SDK1: variants seen among roughly 807,000 people sequenced by gnomAD.
SDK1 encodes protein sidekick-1.
In SDK1, 157 loss-of-function variants were observed where a neutral mutation model predicts 245.5. The observed-to-expected ratio is 0.64, with a 90% CI of 0.56 to 0.73. SDK1 has a LOEUF of 0.73. Ranked by LOEUF, SDK1 falls within the 30% of genes least tolerant of loss-of-function variation. SDK1 has a pLI of 0.00. For missense variants in SDK1, 3,583 were observed against 3,002.3 expected, an observed-to-expected ratio of 1.19 and a Z score of -4.52; for synonymous variants, 1,647 against 1,278.5, an observed-to-expected ratio of 1.29 and a Z score of -6.15.
chr7:3,439,408 C>T (rs528116938), intron 1 of SDK1, among the ~76,000 whole-genome samples: 6 of 152,286 alleles, frequency 3.9e-5, no homozygotes, highest in African/African-American at 1.2e-4. Context: ...GCGCTCCTTA[C>T]AAGCCTCTAG....
chr7:3,469,277 A>C (rs1781109270), intron 1 of SDK1, among the ~76,000 whole-genome samples: 1 of 152,136 alleles, frequency 6.6e-6, no homozygotes, highest in African/African-American at 2.4e-5. Context: ...AAAACAAATG[A>C]AACATTAGTC....
rs34015199 is a variant in SDK1 at position 3,600,712 on chromosome 7, T to A, written c.299-18368T>A. Among the ~76,000 whole-genome samples the A allele has an allele frequency of 2.0e-3, 303 of 151,552 alleles. 3 individuals are homozygous for A. Among genetic ancestry groups the A allele is most frequent in the African/African-American group, 6.7e-3 (275 of 41,316 alleles). ...TACAGGCACCCACCACCACGCCCGGTTAATTTTTTGTATTTTTAGTAGAGA... is the reference window on the plus strand; with the variant it reads ...TACAGGCACCCACCACCACGCCCGGATAATTTTTTGTATTTTTAGTAGAGA... On this transcript the variant is annotated intron_variant, in intron 1 of 44. Coordinates refer to ENST00000404826, the MANE Select transcript of SDK1 (RefSeq NM_152744.4).
At chr7:3,522,961 T>G (rs1782993082) in intron 1 of SDK1, among the ~76,000 whole-genome samples, 1 of 28,690 alleles carries the variant, frequency 3.5e-5, no homozygotes, top group Non-Finnish European at 6.8e-5. Context: ...CTTTGGCTCT[T>G]AAATTTTAAT....
At chr7:3,978,648 T>A (rs1250466348) in intron 13 of SDK1, among the ~76,000 whole-genome samples, 1 of 152,122 alleles carries the variant, frequency 6.6e-6, no homozygotes, top group Non-Finnish European at 1.5e-5. Context: ...GGCAATAGAA[T>A]GATAATAATA....
intron 5 of SDK1, among the ~76,000 whole-genome samples, chr7:3,832,687 T>C (rs929934354): frequency 6.6e-6 from 1 of 152,216 alleles, no homozygotes; most frequent in Non-Finnish European, 1.5e-5. Flanking sequence ...GAACCAGAAA[T>C]TTATCTGGAG....
intron 14 of SDK1, among the ~76,000 whole-genome samples, chr7:4,003,200 C>T (rs1045650842): frequency 2.6e-5 from 4 of 152,384 alleles, no homozygotes; most frequent in African/African-American, 9.6e-5. Flanking sequence ...ATGCAAAACA[C>T]ATGACCTTCC....
At chr7:3,511,602 C>A (rs564704454) in intron 1 of SDK1, among the ~76,000 whole-genome samples, 1 of 152,042 alleles carries the variant, frequency 6.6e-6, no homozygotes, top group East Asian at 1.9e-4. Flanking sequence ...GTTGATCTTT[C>A]TAACCCTCTA....
At chr7:4,234,506 T>C (rs1786020508) in intron 41 of SDK1, among the ~76,000 whole-genome samples, 1 of 152,118 alleles carries the variant, frequency 6.6e-6, no homozygotes, top group South Asian at 2.1e-4. Context: ...AAGGGAAACC[T>C]GCAGGAGGCA....
chr7:3,744,702 C>T (rs942956698), intron 4 of SDK1, among the ~76,000 whole-genome samples: 2 of 151,918 alleles, frequency 1.3e-5, no homozygotes, highest in African/African-American at 2.4e-5. Flanking sequence ...GTCTCAGCTA[C>T]TCGGGAGGCT....
intron 1 of SDK1, among the ~76,000 whole-genome samples, chr7:3,617,503 G>C (rs1004057635): frequency 5.3e-5 from 8 of 152,326 alleles, no homozygotes; most frequent in Admixed American, 3.9e-4. Flanking sequence ...CCCACAGTAG[G>C]TGTCTCACTC....
chr7:4,071,192 T>G (rs1258091730), intron 20 of SDK1, among the ~76,000 whole-genome samples: 1 of 151,900 alleles, frequency 6.6e-6, no homozygotes, highest in African/African-American at 2.4e-5. Flanking sequence ...ACCCAGCTAA[T>G]TTTTGTATTT....
intron 1 of SDK1, among the ~76,000 whole-genome samples, chr7:3,426,724 G>A (rs959571183): frequency 6.6e-6 from 1 of 152,214 alleles, no homozygotes; most frequent in Non-Finnish European, 1.5e-5. Context: ...CATAGCCTTA[G>A]TGTACAGACT....
intron 1 of SDK1, among the ~76,000 whole-genome samples, chr7:3,582,339 G>T (rs1780529007): frequency 6.7e-6 from 1 of 148,488 alleles, no homozygotes; most frequent in Non-Finnish European, 1.5e-5. Flanking sequence ...GTCTGTCTCA[G>T]GTAGGTCTCC....
chr7:3,988,157 T>TTTTA lies in SDK1; in HGVS notation c.2131+835_2131+836insTTTA, dbSNP rs1554298422. Among the ~76,000 whole-genome samples, 4 of 111,184 alleles carry TTTTA rather than the reference T, an allele frequency of 3.6e-5. No homozygotes were observed. In the South Asian group the frequency reaches 8.9e-4, roughly 25 times the overall value. 72.9% of individuals were successfully genotyped at this position (111,184 alleles called of 152,430 possible). A position where few individuals can be genotyped will look rare whatever the true frequency, so the allele number is the denominator to read the frequency against. On this transcript the variant is annotated intron_variant, in intron 14 of 44. Transcript: ENST00000404826. ...GTTTTTTTTTTTTTTTTTTTTTTTT[T>TTTTA]ACCTCACTCCTGCAGCCACCCAAAT...
Position 4,030,010 on chromosome 7 carries a change from T to C in SDK1, c.2602+12658T>C, listed in dbSNP as rs562027449. Among the ~76,000 whole-genome samples, 5 of 152,304 alleles carry C rather than the reference T, an allele frequency of 3.3e-5. No individual in the cohort carries two copies. The South Asian group carries it at 1.0e-3, about 32-fold the overall frequency. ...CTTGGGGTTTACACCCAGAGAGAGC[T>C]GTGACCGTAACTTAAACTCTCTGTG... On this transcript the variant is annotated intron_variant, in intron 17 of 44. Transcript: ENST00000404826.
At chr7:4,181,358 G>T (rs1010289673) in intron 35 of SDK1, among the ~76,000 whole-genome samples, 10 of 152,184 alleles carry the variant, frequency 6.6e-5, no homozygotes, top group Non-Finnish European at 1.5e-4. Context: ...ATGGACACTC[G>T]GGGGCCTTCC....
intron 2 of SDK1, among the ~76,000 whole-genome samples, chr7:3,619,605 G>C (rs1013573579): frequency 2.0e-5 from 3 of 152,230 alleles, no homozygotes; most frequent in African/African-American, 7.2e-5. Context: ...TGTTTAAACA[G>C]ATCTTTAGTA....
At chr7:3,890,993 C>T (rs1398990324) in intron 5 of SDK1, among the ~76,000 whole-genome samples, 4 of 152,172 alleles carry the variant, frequency 2.6e-5, no homozygotes, top group African/African-American at 9.6e-5. Context: ...TGGGCCCAAC[C>T]AGGCCAGCCT....
intron 17 of SDK1, among the ~76,000 whole-genome samples, chr7:4,048,140 C>T (rs1173671956): frequency 2.0e-5 from 3 of 152,146 alleles, no homozygotes; most frequent in African/African-American, 7.2e-5. Context: ...CGATTTTCAC[C>T]AGGACCACAT....
Sources: gnomAD v4.1 joint callset for allele counts (sites outside exome capture counted in the v4.1 genomes callset) on GRCh38, gnomAD v4.1.1 for gene constraint, MANE v1.5 for transcripts, NCBI Gene and HGNC (gene_info 2026-07-23, HGNC 2026-07-21) for gene names.